Variants in LEPROTL1 observed in about 807,000 individuals in gnomAD.
LEPROTL1 encodes leptin receptor overlapping transcript like 1.
A neutral mutation model predicts 15.4 loss-of-function variants in LEPROTL1; 6 were observed. The ratio of observed to expected loss-of-function variants is 0.39; its 90% CI spans 0.21 to 0.77. The LOEUF (loss-of-function observed/expected upper bound fraction) is 0.77. Among genes scored for constraint, LEPROTL1 ranks in the 30% least tolerant of loss-of-function variants. The pLI, the probability that LEPROTL1 is intolerant of heterozygous loss-of-function variation, is 0.41. For synonymous variants in LEPROTL1, 56 were observed against 52.6 expected, an observed-to-expected ratio of 1.06 and a Z score of -0.28; for missense variants, 128 against 158.1, an observed-to-expected ratio of 0.81 and a Z score of 1.02.
At chr8:30,128,912 GAC>G (rs1475360510) in intron 3 of LEPROTL1, among the ~76,000 whole-genome samples, 1 of 147,946 alleles carries the variant, frequency 6.8e-6, no homozygotes, top group Non-Finnish European at 1.5e-5. Flanking sequence ...TTTTTTTTGA[GAC>G]AGAGTCTGAA....
intron 1 of LEPROTL1, among the ~76,000 whole-genome samples, chr8:30,098,053 C>G (rs1045385296): frequency 7.2e-5 from 11 of 152,062 alleles, no homozygotes; most frequent in Non-Finnish European, 1.3e-4. Flanking sequence ...TTGCCTCTTG[C>G]GGAGATTACC....
chr8:30,099,586 G>T (rs983043739), intron 1 of LEPROTL1, among the ~76,000 whole-genome samples: 1 of 117,572 alleles, frequency 8.5e-6, no homozygotes, highest in African/African-American at 3.3e-5. Context: ...TGGCGACAGC[G>T]CAAGACTCCA....
chr8:30,123,448 A>G (rs1187213428), intron 3 of LEPROTL1, among the ~76,000 whole-genome samples: 4 of 152,248 alleles, frequency 2.6e-5, no homozygotes, highest in Non-Finnish European at 5.9e-5. Flanking sequence ...ATCAATGAAC[A>G]TGATATATCT....
At chr8:30,132,470 G>A (rs1803044496) in exon 4 of LEPROTL1, 8 of 1,551,646 alleles carry the variant, frequency 5.2e-6, no homozygotes, top group African/African-American at 2.7e-5. Context: ...GAGTCGTCCA[G>A]GATCCAGTGG....
intron 3 of LEPROTL1, among the ~76,000 whole-genome samples, chr8:30,131,223 G>A (rs1563219978): frequency 6.7e-6 from 1 of 150,146 alleles, no homozygotes; most frequent in African/African-American, 2.5e-5. Context: ...GAGGAGCTAG[G>A]TCTTTAGGTG....
intron 1 of LEPROTL1, 85 bp downstream of exon 1, chr8:30,095,613 C>G (rs915974092): frequency 8.6e-7 from 1 of 1,162,032 alleles, no homozygotes; most frequent in Admixed American, 4.3e-5. Context: ...CGCACTTCCC[C>G]TCCGGGCTCG....
chr8:30,114,194 C>A (rs1802698736), intron 3 of LEPROTL1, among the ~76,000 whole-genome samples: 1 of 152,016 alleles, frequency 6.6e-6, no homozygotes, highest in South Asian at 2.1e-4. Flanking sequence ...CGTCCTGAGA[C>A]AATGAACCCA....
intron 4 of LEPROTL1, among the ~76,000 whole-genome samples, chr8:30,136,499 C>T (rs1803142659): frequency 6.6e-6 from 1 of 152,304 alleles, no homozygotes; most frequent in South Asian, 2.1e-4. Context: ...ATGGCAGCAG[C>T]CCTGCCCGAC....
intron 3 of LEPROTL1, among the ~76,000 whole-genome samples, chr8:30,126,550 G>A (rs1379691702): frequency 1.3e-5 from 2 of 152,172 alleles, no homozygotes; most frequent in South Asian, 2.1e-4. Context: ...TTTGCTTTAT[G>A]AAACTACATA....
chr8:30,137,229 C>A (rs1585485906), intron 4 of LEPROTL1: 1 of 1,433,242 alleles, frequency 7.0e-7, no homozygotes, highest in South Asian at 1.2e-5. Context: ...TTCATGACAA[C>A]ACTTCTCTAG....
At chr8:30,095,599 C>T (rs957752930) in intron 1 of LEPROTL1, 71 bp downstream of exon 1, 5 of 1,218,932 alleles carry the variant, frequency 4.1e-6, no homozygotes, top group African/African-American at 3.2e-5. Context: ...TCCCACGCGG[C>T]CCCCGCACTT....
At chr8:30,127,624 G>A (rs117805532) in intron 3 of LEPROTL1, among the ~76,000 whole-genome samples, 1,970 of 149,728 alleles carry the variant, frequency 0.013, 43 homozygotes, top group East Asian at 0.075. Flanking sequence ...AGCTATGATT[G>A]TGCCACTGCA....
At chr8:30,120,271 G>T (rs772656631) in intron 3 of LEPROTL1, among the ~76,000 whole-genome samples, 1 of 151,966 alleles carries the variant, frequency 6.6e-6, no homozygotes, top group African/African-American at 2.4e-5. Context: ...GTTAACAGTT[G>T]CTTCCTCCAT....
chr8:30,126,863 C>A (rs1352077077), intron 3 of LEPROTL1, among the ~76,000 whole-genome samples: 2 of 152,088 alleles, frequency 1.3e-5, no homozygotes, highest in Non-Finnish European at 1.5e-5. Context: ...CATGGCAAAT[C>A]CCCATCTGTA....
At chr8:30,126,926 G>A (rs576415520) in intron 3 of LEPROTL1, among the ~76,000 whole-genome samples, 15 of 152,214 alleles carry the variant, frequency 9.9e-5, no homozygotes, top group African/African-American at 3.4e-4. Flanking sequence ...TGTAATCCGA[G>A]CTACTTTGGA....
intron 3 of LEPROTL1, among the ~76,000 whole-genome samples, chr8:30,121,792 C>T (rs1457855591): frequency 6.6e-6 from 1 of 152,060 alleles, no homozygotes; most frequent in Non-Finnish European, 1.5e-5. Flanking sequence ...TGGGGTCTAA[C>T]AGGAAAGCTG....
intron 1 of LEPROTL1, among the ~76,000 whole-genome samples, chr8:30,097,684 A>AT (rs1202995740): frequency 0.053 from 6,813 of 128,354 alleles, 634 homozygotes; most frequent in Middle Eastern, 0.098. Flanking sequence ...AAAAAAAAAA[A>AT]ATATATATAT....
chr8:30,136,041 A>G (rs1803131855), intron 4 of LEPROTL1, among the ~76,000 whole-genome samples: 1 of 152,224 alleles, frequency 6.6e-6, no homozygotes, highest in East Asian at 1.9e-4. Context: ...AGATTTAAGA[A>G]AAACTGACCC....
At chr8:30,117,949 A>G (rs192179962) in intron 3 of LEPROTL1, among the ~76,000 whole-genome samples, 1 of 152,136 alleles carries the variant, frequency 6.6e-6, no homozygotes, top group Non-Finnish European at 1.5e-5. Context: ...TTTAAAAAGC[A>G]GGCTATAAAA....
Sources: gnomAD v4.1 joint callset for allele counts (sites outside exome capture counted in the v4.1 genomes callset) on GRCh38, gnomAD v4.1.1 for gene constraint, MANE v1.5 for transcripts, NCBI Gene and HGNC (gene_info 2026-07-23, HGNC 2026-07-21) for gene names.